The following KIF5C variants were observed in gnomAD, a reference collection of about 807,000 sequenced individuals.
KIF5C encodes the protein kinesin heavy chain isoform 5C.
A neutral mutation model predicts 125.2 loss-of-function variants in KIF5C; 18 were observed. The ratio of observed to expected loss-of-function variants is 0.14; its 90% CI spans 0.10 to 0.21. KIF5C has a LOEUF of 0.21. Among genes scored for constraint, KIF5C ranks in the 10% least tolerant of loss-of-function variants. KIF5C has a pLI of 1.00. For missense variants in KIF5C, 780 were observed against 1,183.8 expected, an observed-to-expected ratio of 0.66 and a Z score of 5.01; for synonymous variants, 405 against 434.0, an observed-to-expected ratio of 0.93 and a Z score of 0.83.
chr2:148,921,741 T>G (rs1190814479), intron 1 of KIF5C, among the ~76,000 whole-genome samples: 1 of 152,230 alleles, frequency 6.6e-6, no homozygotes, highest in African/African-American at 2.4e-5. Context: ...GCTTTCTTGC[T>G]TATTAGCTAT....
intron 10 of KIF5C, among the ~76,000 whole-genome samples, chr2:148,959,574 T>C (rs1682876620): frequency 6.6e-6 from 1 of 152,198 alleles, no homozygotes; most frequent in African/African-American, 2.4e-5. Context: ...TTGGGCTGAA[T>C]GAAGTCTCGG....
In KIF5C at chr2:148,981,363, T is replaced by C; in HGVS notation, c.1371T>C (p.Ala457=). 12 of 1,607,966 alleles carry C rather than the reference T, an allele frequency of 7.5e-6. No homozygotes were observed. Among genetic ancestry groups the C allele is most frequent in the Non-Finnish European group, 9.3e-6 (11 of 1,177,660 alleles). ...QQMLDQDELL[A]STRRDYEKIQ... ...CCATCTCATTTCCCCAGCTTTTAGCTTCCACAAGAAGAGACTATGAGAAGA... is the reference window on the plus strand; with the variant it reads ...CCATCTCATTTCCCCAGCTTTTAGCCTCCACAAGAAGAGACTATGAGAAGA... Residue 457 remains alanine, a synonymous_variant, in exon 14 of 26, where the codon GCT becomes GCC. Coordinates refer to ENST00000435030, the MANE Select transcript of KIF5C (RefSeq NM_004522.3).
At chr2:149,005,923 A>G (rs1032740001) in intron 22 of KIF5C, among the ~76,000 whole-genome samples, 8 of 152,214 alleles carry the variant, frequency 5.3e-5, no homozygotes, top group Non-Finnish European at 8.8e-5. Flanking sequence ...CCCAGCAACC[A>G]TGTAAGTGGT....
Position 148,991,123 on chromosome 2 carries a change from C to T in KIF5C, c.1830C>T (p.Ser610=), listed in dbSNP as rs367575634. 5.5e-5 allele frequency: 88 copies of T among 1,613,948 alleles called. No homozygotes were observed. Among genetic ancestry groups the T allele is most frequent in the Middle Eastern group, 4.9e-4 (3 of 6,062 alleles). Residue 610 remains serine, a synonymous_variant, in exon 16 of 26, where the codon AGC becomes AGT. Coordinates refer to ENST00000435030, the MANE Select transcript of KIF5C (RefSeq NM_004522.3). The stretch of plus-strand genomic sequence containing the variant: ...TGAACCGCAGCAAACAGCTCGAGAG[C>T]GCCCAGATGGACTCCAACAGGAAGA... ...SLVNRSKQLE[S]AQMDSNRKMN... is the part of the protein sequence containing the mutation.
At chr2:148,931,838 G>GT (rs1161866951) in intron 3 of KIF5C, among the ~76,000 whole-genome samples, 1 of 152,198 alleles carries the variant, frequency 6.6e-6, no homozygotes, top group Non-Finnish European at 1.5e-5. Flanking sequence ...TTCTGGACAG[G>GT]TTTCACCTCC....
Position 148,922,125 on chromosome 2 carries a change from TTTC to T in KIF5C, c.127-9_127-7del. 1 of 1,576,980 alleles carries T rather than the reference TTTC, an allele frequency of 6.3e-7. No homozygotes were observed. ...TTTCCACCTTTTTCTTCCCTTTGTCTTTCTTTTTTAGCAAGGGAAGCCATATGT... is the reference window on the plus strand; with the variant it reads ...TTTCCACCTTTTTCTTCCCTTTGTCTTTTTTTAGCAAGGGAAGCCATATGT... On this transcript the variant is annotated splice_polypyrimidine_tract_variant and intron_variant, in intron 1 of 25. Transcript: ENST00000435030.
chr2:149,021,434 T>C (rs777093019), intron 25 of KIF5C, among the ~76,000 whole-genome samples: 1 of 152,002 alleles, frequency 6.6e-6, no homozygotes, highest in Admixed American at 6.6e-5. Flanking sequence ...TTCTGTTCCG[T>C]ATTTCTTCTC....
intron 21 of KIF5C, 136 bp downstream of exon 21, chr2:149,000,918 G>A: frequency 6.8e-7 from 1 of 1,460,872 alleles, no homozygotes. Flanking sequence ...TGGAAAAGTA[G>A]GATTTGTAGA....
chr2:148,991,687 G>A (rs892031792), intron 16 of KIF5C, among the ~76,000 whole-genome samples: 1 of 152,144 alleles, frequency 6.6e-6, no homozygotes, highest in African/African-American at 2.4e-5. Context: ...CTGGTAGGCA[G>A]GTTTTATTAT....
chr2:148,919,068 T>C (rs1042225348), intron 1 of KIF5C, among the ~76,000 whole-genome samples: 5 of 152,198 alleles, frequency 3.3e-5, no homozygotes, highest in Admixed American at 3.3e-4. Context: ...ATGGAGGGCT[T>C]GATGGCTCTT....
chr2:148,882,085 T>G (rs1681379646), intron 1 of KIF5C, among the ~76,000 whole-genome samples: 1 of 152,192 alleles, frequency 6.6e-6, no homozygotes, highest in African/African-American at 2.4e-5. Context: ...TGGTTGAGTT[T>G]GAGGTTGTTT....
chr2:148,940,153 C>T (rs551903602), intron 4 of KIF5C, among the ~76,000 whole-genome samples: 11 of 152,170 alleles, frequency 7.2e-5, no homozygotes, highest in African/African-American at 2.7e-4. Flanking sequence ...AAATAGAATG[C>T]GCTGAACCAG....
intron 13 of KIF5C, among the ~76,000 whole-genome samples, chr2:148,980,675 CTTATTTATTTATTTATTTATTTATTTAT>C (rs5835290): frequency 6.9e-6 from 1 of 144,598 alleles, no homozygotes; most frequent in Non-Finnish European, 1.5e-5. Context: ...AGATCCTTTG[CTTATTTATTTATTTATTTATTTATTTAT>C]TTATTTATTT....
intron 1 of KIF5C, among the ~76,000 whole-genome samples, chr2:148,915,598 A>G (rs1681514383): frequency 6.6e-6 from 1 of 152,242 alleles, no homozygotes; most frequent in Non-Finnish European, 1.5e-5. Context: ...TGATGGCTTC[A>G]TATTTGACAG....
At chr2:148,897,966 G>A (rs56125545) in intron 1 of KIF5C, among the ~76,000 whole-genome samples, 1,558 of 137,960 alleles carry the variant, frequency 0.011, 28 homozygotes, top group African/African-American at 0.041. Context: ...AAATCATCCT[G>A]TGTGCTCCAG....
At chr2:148,911,453 T>G (rs535720134) in intron 1 of KIF5C, among the ~76,000 whole-genome samples, 15 of 152,174 alleles carry the variant, frequency 9.9e-5, no homozygotes, top group African/African-American at 2.9e-4. Context: ...CAAAGTGTCT[T>G]AGAATTGAAG....
chr2:148,979,483 A>G (rs1681173595), intron 13 of KIF5C, among the ~76,000 whole-genome samples: 2 of 152,156 alleles, frequency 1.3e-5, no homozygotes, highest in African/African-American at 2.4e-5. Flanking sequence ...TATGTTGGTC[A>G]GGGTGATCTT....
At chr2:149,019,924 G>A (rs547892353) in intron 25 of KIF5C, among the ~76,000 whole-genome samples, 1 of 152,236 alleles carries the variant, frequency 6.6e-6, no homozygotes, top group Non-Finnish European at 1.5e-5. Flanking sequence ...CTGGTCACAC[G>A]TTGCCACTTT....
At chr2:148,928,658 G>A (rs187054546) in intron 2 of KIF5C, among the ~76,000 whole-genome samples, 1 of 152,288 alleles carries the variant, frequency 6.6e-6, no homozygotes, top group East Asian at 1.9e-4. Flanking sequence ...GGGCTGGCTT[G>A]TTAGCACTAT....
Sources: gnomAD v4.1 joint callset for allele counts (sites outside exome capture counted in the v4.1 genomes callset) on GRCh38, gnomAD v4.1.1 for gene constraint, MANE v1.5 for transcripts, NCBI Gene and HGNC (gene_info 2026-07-23, HGNC 2026-07-21) for gene names.